PSMA4: variants seen among roughly 807,000 people sequenced by gnomAD.
PSMA4 encodes proteasome 20S subunit alpha 4, also known as proteasome subunit alpha type-4.
In PSMA4, 8 loss-of-function variants were observed where a neutral mutation model predicts 37.2. That is an observed-to-expected ratio of 0.22 (90% confidence interval 0.13 to 0.39). The LOEUF is 0.39. Among genes scored for constraint, PSMA4 ranks in the 10% least tolerant of loss-of-function variants. The pLI, the probability that PSMA4 is intolerant of heterozygous loss-of-function variation, is 1.00. For synonymous variants in PSMA4, 93 were observed against 98.8 expected (o/e 0.94, Z 0.35); for missense variants, 169 against 305.1 (o/e 0.55, Z 3.32).
chr15:78,544,232 T>C lies in PSMA4; in HGVS notation c.252T>C (p.Asn84=), dbSNP rs758520956. Residue 84 remains asparagine (N), a synonymous_variant, in exon 5 of 9, where the codon AAT becomes AAC. Coordinates refer to ENST00000044462, the MANE Select transcript of PSMA4 (RefSeq NM_002789.6). ...TGGCAGGCATAACTTCTGATGCTAATGTTCTGACTAATGAACTAAGGCTCA... is the reference window on the plus strand; with the variant it reads ...TGGCAGGCATAACTTCTGATGCTAACGTTCTGACTAATGAACTAAGGCTCA... ...CSVAGITSDA[N]VLTNELRLIA... 7 of 1,613,818 alleles carry C rather than the reference T, an allele frequency of 4.3e-6. No homozygotes were observed. The African/African-American group carries it at 9.3e-5, about 22-fold the overall frequency.
chr15:78,545,825 C>A, intron 7 of PSMA4, 61 bp downstream of exon 7: 1 of 1,559,820 alleles, frequency 6.4e-7, no homozygotes, highest in Middle Eastern at 1.7e-4. Flanking sequence ...CATAATTTTG[C>A]CATGGTGATG....
Position 78,550,986 on chromosome 15 carries a change from G to A in PSMA4, c.*2042G>A, listed in dbSNP as rs1441842694. 1 of 152,170 alleles carries A rather than the reference G, an allele frequency of 6.6e-6. No individual in the cohort carries two copies. The highest frequency in any genetic ancestry group is 2.4e-5 in the African/African-American group (1 of 41,422). The allele number at this position is 152,170 out of a possible 1,614,324, so 9.4% of individuals were successfully genotyped here. ...CCCTCCAGTCTTGCTACACCCAGAG[G>A]TTGAGGTAGTCAATAAATCTTATTA... On this transcript the variant is annotated 3_prime_UTR_variant, in exon 9 of 9. Transcript: ENST00000044462.
At chr15:78,546,549 A>G in intron 7 of PSMA4, 26 bp from the exon 8 acceptor site, 1 of 1,560,270 alleles carries the variant, frequency 6.4e-7, no homozygotes, top group Non-Finnish European at 8.6e-7. Flanking sequence ...AAAACTTAAA[A>G]TTCTATGTTG....
chr15:78,549,218 T>A lies in PSMA4; in HGVS notation c.*274T>A. On this transcript the variant is annotated 3_prime_UTR_variant, in exon 9 of 9. Transcript: ENST00000044462. ...TGAAGGAATAAATTCTCTGTAGCAG[T>A]AATTGTTAAATATACAAAAACTGAC... 1 of 279,000 alleles carries A rather than the reference T, an allele frequency of 3.6e-6. No individual in the cohort carries two copies. Among genetic ancestry groups the A allele is most frequent in the Non-Finnish European group, 6.1e-6 (1 of 162,806 alleles). The allele number at this position is 279,000 out of a possible 1,614,324, so 17.3% of individuals were successfully genotyped here. A position where few individuals can be genotyped will look rare whatever the true frequency, so the allele number is the denominator to read the frequency against.
At chr15:78,540,837 T>A (rs1432685566) in intron 1 of PSMA4, 1 of 152,176 alleles carries the variant, frequency 6.6e-6, no homozygotes, top group Non-Finnish European at 1.5e-5. Context: ...AGGAGTTCGG[T>A]ACGTGAAAGT....
chr15:78,548,813 G>A lies in PSMA4; in HGVS notation c.655G>A (p.Glu219Lys). The A allele has an allele frequency of 6.2e-7, 1 of 1,607,508 alleles. No homozygotes were observed. Among genetic ancestry groups the A allele is most frequent in the Non-Finnish European group, 8.5e-7 (1 of 1,178,344 alleles). ...EKVEIATLTR[E>K]NGKTVIRVLK... ...AGTGGAAATTGCAACACTAACAAGAGAGAATGGAAAGACAGTAATCAGAGT... is the reference window on the plus strand; with the variant it reads ...AGTGGAAATTGCAACACTAACAAGAAAGAATGGAAAGACAGTAATCAGAGT... The change falls in exon 9 of 9, where the codon GAG becomes AAG. Residue 219 changes from glutamate to lysine, a missense_variant. Around this residue, in one of 2 missense-constraint regions of PSMA4, gnomAD observed 90 missense variants for 92.7 expected, o/e 0.97. Transcript: ENST00000044462.
At position 78,549,150 on chromosome 15, in the gene PSMA4, A is replaced by C. The variant is rs563305158; in HGVS notation, c.*206A>C. Reference sequence around the variant, plus strand: ...CCCTTCATGGACGTCTTAATCTTCCACACACATCCCCTTTTTTTGGAATAA... The same window carrying C: ...CCCTTCATGGACGTCTTAATCTTCCCCACACATCCCCTTTTTTTGGAATAA... On this transcript the variant is annotated 3_prime_UTR_variant, in exon 9 of 9. Transcript: ENST00000044462. 1.6e-5 allele frequency: 11 copies of C among 678,690 alleles called. No individual in the cohort carries two copies. The South Asian group carries it at 7.4e-4, about 46-fold the overall frequency. 42.0% of individuals were successfully genotyped at this position (678,690 alleles called of 1,614,324 possible).
chr15:78,547,810 G>A (rs148676889), intron 8 of PSMA4, among the ~76,000 whole-genome samples: 2 of 151,698 alleles, frequency 1.3e-5, no homozygotes, highest in Admixed American at 6.6e-5. Context: ...GCACTCCAGC[G>A]TGGGTGACAG....
At chr15:78,545,521 T>A (rs1275135992) in intron 6 of PSMA4, 113 bp from the exon 7 acceptor site, 4 of 1,242,460 alleles carry the variant, frequency 3.2e-6, no homozygotes, top group African/African-American at 1.5e-5. Flanking sequence ...CAAAACAGTT[T>A]ATGAATGCTT....
rs752176518 is a variant in PSMA4 at position 78,542,197 on chromosome 15, G to A, written c.24G>A (p.Arg8=). 1.2e-6 allele frequency: 2 copies of A among 1,608,092 alleles called. No individual in the cohort carries two copies. MSRRYDS[R]TTIFSPEGRL... ...TGCAGTCTCGAAGATATGACTCCAGGACCACTATATTTTCTCCAGAAGGTA... is the reference window on the plus strand; with the variant it reads ...TGCAGTCTCGAAGATATGACTCCAGAACCACTATATTTTCTCCAGAAGGTA... The change falls in exon 3 of 9, where the codon AGG becomes AGA. Residue 8 remains arginine, a synonymous_variant. Transcript: ENST00000044462.
intron 4 of PSMA4, 85 bp from the exon 5 acceptor site, chr15:78,544,105 T>C (rs890014628): frequency 2.0e-6 from 2 of 987,688 alleles, no homozygotes; most frequent in East Asian, 2.7e-5. Flanking sequence ...GAATTTCTAA[T>C]AGAAATTAGA....
intron 6 of PSMA4, 65 bp from the exon 7 acceptor site, chr15:78,545,569 T>C (rs2052537461): frequency 6.4e-7 from 1 of 1,555,376 alleles, no homozygotes; most frequent in African/African-American, 1.4e-5. Flanking sequence ...TTCACTGAGC[T>C]CAAGTAACTG....
rs1487365447 is a variant in PSMA4, at chr15:78,551,926, T to C, written c.*2982T>C. 6.6e-6 allele frequency: 1 copy of C among 152,194 alleles called. No homozygotes were observed. Among genetic ancestry groups the C allele is most frequent in the Non-Finnish European group, 1.5e-5 (1 of 68,038 alleles). 9.4% of individuals were successfully genotyped at this position (152,194 alleles called of 1,614,324 possible). A position where few individuals can be genotyped will look rare whatever the true frequency, so the allele number is the denominator to read the frequency against. On this transcript the variant is annotated 3_prime_UTR_variant, in exon 9 of 9. Coordinates refer to ENST00000044462, the MANE Select transcript of PSMA4 (RefSeq NM_002789.6). ...TAGGAAAGTCTTCAGAATTTGACCC[T>C]AACAGCAGGCAAATTTCAACGTATT...
At chr15:78,547,449 C>G (rs2052573475) in intron 8 of PSMA4, among the ~76,000 whole-genome samples, 1 of 152,214 alleles carries the variant, frequency 6.6e-6, no homozygotes, top group African/African-American at 2.4e-5. Flanking sequence ...TTGTGATACC[C>G]TCTCCTGTTC....
At chr15:78,548,332 A>G (rs541140187) in intron 8 of PSMA4, among the ~76,000 whole-genome samples, 1 of 152,208 alleles carries the variant, frequency 6.6e-6, no homozygotes, top group South Asian at 2.1e-4. Context: ...TCCCTGGTAC[A>G]AAAAAATTCC....
chr15:78,551,387 A>G lies in PSMA4; in HGVS notation c.*2443A>G, dbSNP rs2052641021. 1 of 151,700 alleles carries G rather than the reference A, an allele frequency of 6.6e-6. No homozygotes were observed. Among genetic ancestry groups the G allele is most frequent in the South Asian group, 2.1e-4 (1 of 4,798 alleles). 9.4% of individuals were successfully genotyped at this position (151,700 alleles called of 1,614,324 possible). A position where few individuals can be genotyped will look rare whatever the true frequency, so the allele number is the denominator to read the frequency against. ...CCTGAATGTGCCAAGCTCCCCTCAC[A>G]TCACTTGCCAATCCCTCTGCCTTGG... On this transcript the variant is annotated 3_prime_UTR_variant, in exon 9 of 9. Coordinates refer to ENST00000044462, the MANE Select transcript of PSMA4 (RefSeq NM_002789.6).
intron 4 of PSMA4, among the ~76,000 whole-genome samples, chr15:78,543,566 C>CTTTTTTT (rs11414100): frequency 2.7e-5 from 3 of 109,796 alleles, no homozygotes; most frequent in Non-Finnish European, 3.5e-5. Flanking sequence ...CTAGCAAAAT[C>CTTTTTTT]TTTTTTTTTT....
rs368244785 is a variant in PSMA4, at chr15:78,546,273, A to T, written c.508-302A>T. ...AGCCTGGGCAACATAGCAGAACCCC[A>T]TCTCTACAAAAAATACAAAAATTTG... On this transcript the variant is annotated intron_variant, in intron 7 of 8. Coordinates refer to ENST00000044462, the MANE Select transcript of PSMA4 (RefSeq NM_002789.6). 1.2e-4 allele frequency among the ~76,000 whole-genome samples: 18 copies of T among 151,912 alleles called. No homozygotes were observed. In the East Asian group the frequency reaches 3.3e-3, roughly 28 times the overall value.
intron 4 of PSMA4, 129 bp from the exon 5 acceptor site, chr15:78,544,061 C>T: frequency 1.6e-6 from 1 of 620,950 alleles, no homozygotes; most frequent in Non-Finnish European, 2.8e-6. Flanking sequence ...TAGGTTTTTT[C>T]TGAAGGAAGT....
Sources: gnomAD v4.1 joint callset for allele counts (sites outside exome capture counted in the v4.1 genomes callset) on GRCh38, gnomAD v4.1.1 for gene constraint, gnomAD v4.1.1 regional missense constraint, MANE v1.5 for transcripts, NCBI Gene and HGNC (gene_info 2026-07-23, HGNC 2026-07-21) for gene names.